The following DHRS3 variants were observed in gnomAD, a reference collection of about 807,000 sequenced individuals.
DHRS3 encodes the protein short-chain dehydrogenase/reductase 3.
In DHRS3, 14 loss-of-function variants were observed where a neutral mutation model predicts 27.2. The ratio of observed to expected loss-of-function variants is 0.52; its 90% CI spans 0.34 to 0.81. The LOEUF (loss-of-function observed/expected upper bound fraction) is 0.81, where lower values mean the gene tolerates loss of function less well. DHRS3 is among the 30% of genes least tolerant of loss of function. The probability of loss-of-function intolerance (pLI) is 0.01; values close to 1 mark genes in which losing one functional copy is unlikely to be tolerated. For missense variants in DHRS3, 322 were observed against 406.2 expected (o/e 0.79, Z 1.78); for synonymous variants, 165 against 175.9 (o/e 0.94, Z 0.49).
chr1:12,569,173 C>T (rs1032447690), intron 5 of DHRS3, among the ~76,000 whole-genome samples: 2 of 148,402 alleles, frequency 1.3e-5, no homozygotes, highest in African/African-American at 5.0e-5. Flanking sequence ...GCCGAGATCG[C>T]GCCGTTGCAC....
At position 12,594,309 on chromosome 1, in the gene DHRS3, T is replaced by C. The variant is rs759451411; in HGVS notation, c.196-13643A>G. Among the ~76,000 whole-genome samples the C allele has an allele frequency of 6.6e-5, 10 of 152,230 alleles. No individual in the cohort carries two copies. Among genetic ancestry groups the C allele is most frequent in the Admixed American group, 1.3e-4 (2 of 15,280 alleles). ...ATTCATTCAAGGACTATTTGTGGAA[T>C]TGTGTGCACCAGGCACTTTGGAGGC... is the stretch of plus-strand genomic sequence containing the variant. On this transcript the variant is annotated intron_variant, in intron 1 of 5. Transcript: ENST00000616661. The surrounding 1 kb of genome is among the most constrained non-coding windows in gnomAD (Gnocchi z 4.1).
At position 12,593,968 on chromosome 1, in the gene DHRS3, CA is replaced by C. The variant is rs1646766956; in HGVS notation, c.196-13303del. 6.6e-6 allele frequency among the ~76,000 whole-genome samples: 1 copy of C among 152,208 alleles called. No individual in the cohort carries two copies. Among genetic ancestry groups the C allele is most frequent in the Non-Finnish European group, 1.5e-5 (1 of 68,028 alleles). ...TCTGACTGCCCAGGGCCGCACTTGGCAAAACACGGAGGCAGAGAAACTCAGG... is the reference window on the plus strand; with the variant it reads ...TCTGACTGCCCAGGGCCGCACTTGGCAAACACGGAGGCAGAGAAACTCAGG... On this transcript the variant is annotated intron_variant, in intron 1 of 5. Coordinates refer to ENST00000616661, the MANE Select transcript of DHRS3 (RefSeq NM_004753.7). The surrounding 1 kb of genome is among the most constrained non-coding windows in gnomAD (Gnocchi z 4.6).
In DHRS3 at chr1:12,568,094, G is replaced by T; in HGVS notation, c.*246C>A. The T allele has an allele frequency of 2.2e-6, 1 of 448,528 alleles. No individual in the cohort carries two copies. Among genetic ancestry groups the T allele is most frequent in the Non-Finnish European group, 4.1e-6 (1 of 241,270 alleles). 27.8% of individuals were successfully genotyped at this position (448,528 alleles called of 1,614,324 possible). On this transcript the variant is annotated 3_prime_UTR_variant, in exon 6 of 6. Coordinates refer to ENST00000616661, the MANE Select transcript of DHRS3 (RefSeq NM_004753.7). ...AATTGACAATAAACTCTACAGAACT[G>T]GAAATGTTCAAAAGTGTCAAGGTGG...
intron 1 of DHRS3, among the ~76,000 whole-genome samples, chr1:12,605,196 A>G (rs1284002660): frequency 1.3e-5 from 2 of 152,126 alleles, no homozygotes; most frequent in Non-Finnish European, 2.9e-5. Flanking sequence ...ACAGTCATGT[A>G]CAGTGCCACA....
intron 1 of DHRS3, among the ~76,000 whole-genome samples, chr1:12,582,566 T>C (rs1646653169): frequency 6.6e-6 from 1 of 152,104 alleles, no homozygotes; most frequent in Non-Finnish European, 1.5e-5. Context: ...AATGTGTTCC[T>C]CCAGGAGAAG....
chr1:12,602,647 G>T (rs527538880), intron 1 of DHRS3, among the ~76,000 whole-genome samples: 5 of 152,240 alleles, frequency 3.3e-5, no homozygotes, highest in Non-Finnish European at 7.3e-5. Context: ...AGGAGTGGTT[G>T]TCTCTTGGAA....
In DHRS3 at chr1:12,594,398, GA is replaced by G. The variant is rs1460183887; in HGVS notation, c.196-13733del. 6.6e-6 allele frequency among the ~76,000 whole-genome samples: 1 copy of G among 152,186 alleles called. No homozygotes were observed. The highest frequency in any genetic ancestry group is 1.5e-5 in the Non-Finnish European group (1 of 68,038). On this transcript the variant is annotated intron_variant, in intron 1 of 5. Coordinates refer to ENST00000616661, the MANE Select transcript of DHRS3 (RefSeq NM_004753.7). This position sits in a 1 kb window ranked among gnomAD's most constrained non-coding sequence, Gnocchi z 4.1. ...GAGTTTGCTTGTGTGTAAGTCCGGG[GA>G]CAATGAGCATGAACACTTGTTCACG...
rs966701013 is a variant in DHRS3 at position 12,574,580 on chromosome 1, G to T, written c.699-1727C>A. ...GCTCACTGATACTGGAGTCCTACAG[G>T]TGTCGTGGGCGGTCTGGATTCTCTG... On this transcript the variant is annotated intron_variant, in intron 4 of 5. Transcript: ENST00000616661. This position sits in a 1 kb window ranked among gnomAD's most constrained non-coding sequence, Gnocchi z 4.6. Among the ~76,000 whole-genome samples the T allele has an allele frequency of 6.6e-6, 1 of 152,178 alleles. No homozygotes were observed. The highest frequency in any genetic ancestry group is 2.1e-4 in the South Asian group (1 of 4,830).
chr1:12,602,685 T>C (rs1319719581), intron 1 of DHRS3, among the ~76,000 whole-genome samples: 3 of 152,154 alleles, frequency 2.0e-5, no homozygotes, highest in South Asian at 2.1e-4. Context: ...CAGGAGGTGA[T>C]AGGAGCTTTT....
At chr1:12,588,338 C>T (rs1431396960) in intron 1 of DHRS3, among the ~76,000 whole-genome samples, 1 of 152,222 alleles carries the variant, frequency 6.6e-6, no homozygotes, top group Non-Finnish European at 1.5e-5. Flanking sequence ...ATGTTTTCTT[C>T]TTTAATCCTC....
rs1244368608 is a variant in DHRS3, at chr1:12,604,033, C to T, written c.195+13121G>A. Among the ~76,000 whole-genome samples the T allele has an allele frequency of 2.6e-5, 4 of 152,166 alleles. No individual in the cohort carries two copies. In the East Asian group the frequency reaches 7.7e-4, roughly 29 times the overall value. ...TTCTTAACCCAGAGTCTGGGATAGG[C>T]GACAGGGGTACATGACCCCTTAAAA... is the stretch of plus-strand genomic sequence containing the variant. On this transcript the variant is annotated intron_variant, in intron 1 of 5. Coordinates refer to ENST00000616661, the MANE Select transcript of DHRS3 (RefSeq NM_004753.7).
rs1238866145 is a variant in DHRS3 at position 12,568,112 on chromosome 1, C to T, written c.*228G>A. On this transcript the variant is annotated 3_prime_UTR_variant, in exon 6 of 6. Coordinates refer to ENST00000616661, the MANE Select transcript of DHRS3 (RefSeq NM_004753.7). ...CAGAACTGGAAATGTTCAAAAGTGT[C>T]AAGGTGGCTTCTGGCTGTTTTCCTG... The T allele has an allele frequency of 4.1e-6, 2 of 489,842 alleles. No individual in the cohort carries two copies. Among genetic ancestry groups the T allele is most frequent in the East Asian group, 7.2e-5 (2 of 27,872 alleles). 30.3% of individuals were successfully genotyped at this position (489,842 alleles called of 1,614,324 possible).
chr1:12,603,595 A>C (rs1171970866), intron 1 of DHRS3, among the ~76,000 whole-genome samples: 1 of 152,092 alleles, frequency 6.6e-6, no homozygotes, highest in Non-Finnish European at 1.5e-5. Flanking sequence ...GCTGGCGCTG[A>C]GGTCCGCATG....
intron 1 of DHRS3, among the ~76,000 whole-genome samples, chr1:12,584,963 G>A (rs201505590): frequency 1.3e-5 from 2 of 151,692 alleles, no homozygotes; most frequent in African/African-American, 4.9e-5. Context: ...GTGTCTGTGG[G>A]TGTCTCTCTG....
chr1:12,577,204 G>T (rs1646597044), intron 4 of DHRS3, among the ~76,000 whole-genome samples: 1 of 152,044 alleles, frequency 6.6e-6, no homozygotes, highest in African/African-American at 2.4e-5. Flanking sequence ...AGTAATTCCC[G>T]GTTTTCATTC....
chr1:12,615,636 T>A (rs915846125), intron 1 of DHRS3, among the ~76,000 whole-genome samples: 2 of 152,128 alleles, frequency 1.3e-5, no homozygotes, highest in African/African-American at 4.8e-5. Context: ...AGAAAAAAGT[T>A]TCTGTGGGAT....
chr1:12,568,344 GT>G lies in DHRS3; in HGVS notation c.904del (p.Thr302HisfsTer60), dbSNP rs1239756551. On this transcript the variant is annotated frameshift_variant, in exon 6 of 6. Coordinates refer to ENST00000616661, the MANE Select transcript of DHRS3 (RefSeq NM_004753.7). LOFTEE classifies it high-confidence loss of function. ...AAGCATGTCTTCATCCTGTCTCTAT[GT>G]CCGCCCTTTGAAAGTGTTCATGCAG... ...YTCMNTFKGR[T>X] 1 of 1,613,662 alleles carries G rather than the reference GT, an allele frequency of 6.2e-7. No individual in the cohort carries two copies.
At chr1:12,599,608 A>G (rs1646822071) in intron 1 of DHRS3, among the ~76,000 whole-genome samples, 1 of 151,796 alleles carries the variant, frequency 6.6e-6, no homozygotes, top group Non-Finnish European at 1.5e-5. Flanking sequence ...CTCCCTGCTC[A>G]CACTTTTGTT....
At chr1:12,576,754 C>T (rs1373436751) in intron 4 of DHRS3, among the ~76,000 whole-genome samples, 2 of 151,340 alleles carry the variant, frequency 1.3e-5, no homozygotes, top group Non-Finnish European at 1.5e-5. Flanking sequence ...AATTTGCATG[C>T]AAACCAGGTG....
Sources: gnomAD v4.1 joint callset for allele counts (sites outside exome capture counted in the v4.1 genomes callset) on GRCh38, gnomAD v4.1.1 for gene constraint, Gnocchi (gnomAD v3.1) non-coding constraint, MANE v1.5 for transcripts, NCBI Gene and HGNC (gene_info 2026-07-23, HGNC 2026-07-21) for gene names.